Variants in RABGAP1L observed in about 807,000 individuals in gnomAD.
RABGAP1L encodes rab GTPase-activating protein 1-like.
In RABGAP1L, 63 loss-of-function variants were observed where a neutral mutation model predicts 137.7. The observed-to-expected ratio is 0.46, with a 90% CI of 0.37 to 0.56. The LOEUF (loss-of-function observed/expected upper bound fraction) is 0.56, where lower values mean the gene tolerates loss of function less well. Among genes scored for constraint, RABGAP1L ranks in the 20% least tolerant of loss-of-function variants. The pLI, the probability that RABGAP1L is intolerant of heterozygous loss-of-function variation, is 0.00. For synonymous variants in RABGAP1L, 431 were observed against 433.7 expected (o/e 0.99, Z 0.08); for missense variants, 1,095 against 1,244.0 (o/e 0.88, Z 1.80).
intron 13 of RABGAP1L, among the ~76,000 whole-genome samples, chr1:174,499,985 C>A (rs1170795468): frequency 6.6e-6 from 1 of 151,862 alleles, no homozygotes; most frequent in Non-Finnish European, 1.5e-5. Flanking sequence ...ATTTGGGGAT[C>A]ATTTAGTCCA....
intron 11 of RABGAP1L, among the ~76,000 whole-genome samples, chr1:174,320,000 C>T (rs1679793940): frequency 6.6e-6 from 1 of 152,130 alleles, no homozygotes; most frequent in Non-Finnish European, 1.5e-5. Flanking sequence ...CTTCAGCTTG[C>T]TCACTCTTCA....
intron 19 of RABGAP1L, among the ~76,000 whole-genome samples, chr1:174,941,073 T>TC (rs11417914): frequency 0.37 from 56,117 of 152,058 alleles, 13,590 homozygotes; most frequent in African/African-American, 0.69. Context: ...ATTTTGTAGC[T>TC]CCATGCCTTT....
chr1:174,361,748 T>C (rs923679267), intron 11 of RABGAP1L, among the ~76,000 whole-genome samples: 2 of 152,198 alleles, frequency 1.3e-5, no homozygotes, highest in African/African-American at 2.4e-5. Flanking sequence ...ACTTCTTCCT[T>C]TTCAGTATGA....
intron 17 of RABGAP1L, among the ~76,000 whole-genome samples, chr1:174,727,401 G>T (rs1305007404): frequency 1.3e-5 from 2 of 152,160 alleles, no homozygotes; most frequent in Non-Finnish European, 2.9e-5. Flanking sequence ...TTTATTGGTG[G>T]TTATAGGATA....
chr1:174,895,022 G>A (rs550221972), intron 19 of RABGAP1L, among the ~76,000 whole-genome samples: 1 of 152,308 alleles, frequency 6.6e-6, no homozygotes, highest in East Asian at 1.9e-4. Context: ...CTCTTAAAGT[G>A]CTGGGATTAC....
chr1:174,686,415 C>T (rs918162234), intron 15 of RABGAP1L, among the ~76,000 whole-genome samples: 2 of 152,016 alleles, frequency 1.3e-5, no homozygotes, highest in Non-Finnish European at 1.5e-5. Flanking sequence ...CCTGTGATGA[C>T]CAGTTACTTT....
chr1:174,992,702 ATATGT>A lies in RABGAP1L; in HGVS notation c.*2705_*2709del, dbSNP rs112853002. On this transcript the variant is annotated 3_prime_UTR_variant, in exon 26 of 26. Coordinates refer to ENST00000681986, the MANE Select transcript of RABGAP1L (RefSeq NM_001366446.1). ...GGTATGTGATATGATTGTTCATACA[ATATGT>A]TATAATAGCAATATTCCAAACAATA... 176 of 152,308 alleles carry A rather than the reference ATATGT, an allele frequency of 1.2e-3. No homozygotes were observed. The highest frequency in any genetic ancestry group is 3.0e-3 in the African/African-American group (125 of 41,572). The allele number at this position is 152,308 out of a possible 1,614,324, so 9.4% of individuals were successfully genotyped here.
intron 4 of RABGAP1L, among the ~76,000 whole-genome samples, chr1:174,238,271 C>T (rs914059920): frequency 2.0e-5 from 3 of 152,282 alleles, no homozygotes; most frequent in Non-Finnish European, 2.9e-5. Context: ...TCTCTCAGCT[C>T]GTCAGTCATT....
intron 15 of RABGAP1L, among the ~76,000 whole-genome samples, chr1:174,694,985 G>A (rs1485259965): frequency 6.6e-6 from 1 of 152,068 alleles, no homozygotes; most frequent in East Asian, 1.9e-4. Context: ...TTTTTTGGCT[G>A]CATAAATGTC....
chr1:174,406,394 T>C (rs1042373016), intron 13 of RABGAP1L, among the ~76,000 whole-genome samples: 4 of 152,242 alleles, frequency 2.6e-5, no homozygotes, highest in African/African-American at 9.6e-5. Flanking sequence ...TATAACTTTT[T>C]AATATTACCT....
chr1:174,465,176 C>G (rs1453998022), intron 13 of RABGAP1L, among the ~76,000 whole-genome samples: 1 of 152,082 alleles, frequency 6.6e-6, no homozygotes, highest in Non-Finnish European at 1.5e-5. Flanking sequence ...TAACACATTG[C>G]TAATTCATTC....
At chr1:174,286,934 C>T (rs1676109932) in intron 10 of RABGAP1L, among the ~76,000 whole-genome samples, 1 of 151,854 alleles carries the variant, frequency 6.6e-6, no homozygotes, top group African/African-American at 2.4e-5. Flanking sequence ...GAATTTAAGA[C>T]TTTTTTTGTG....
intron 7 of RABGAP1L, among the ~76,000 whole-genome samples, chr1:174,270,015 A>G (rs1430594640): frequency 6.6e-6 from 1 of 152,210 alleles, no homozygotes; most frequent in Non-Finnish European, 1.5e-5. Flanking sequence ...CTCCATAGGA[A>G]TCCTGGTGTG....
rs56841270 is a variant in RABGAP1L, at chr1:174,868,992, G to A, written c.2340+57032G>A. ...TCATCTCTCCTGGACAAGGAAATACGAAAAAAAAAAATGGAGGCATTGGTT... is the reference window on the plus strand; with the variant it reads ...TCATCTCTCCTGGACAAGGAAATACAAAAAAAAAAAATGGAGGCATTGGTT... On this transcript the variant is annotated intron_variant, in intron 19 of 25. Transcript: ENST00000681986. 5.1e-4 allele frequency among the ~76,000 whole-genome samples: 74 copies of A among 145,588 alleles called. 1 individual carries two copies. The highest frequency in any genetic ancestry group is 4.2e-3 in the East Asian group (21 of 5,050).
chr1:174,637,742 A>C (rs148762208), intron 14 of RABGAP1L, among the ~76,000 whole-genome samples: 58 of 152,286 alleles, frequency 3.8e-4, no homozygotes, highest in Admixed American at 1.3e-3. Flanking sequence ...AAAGGAACAA[A>C]AGGTCCTCTG....
chr1:174,329,288 A>T (rs1039128867), intron 11 of RABGAP1L, among the ~76,000 whole-genome samples: 12 of 152,186 alleles, frequency 7.9e-5, no homozygotes, highest in African/African-American at 2.9e-4. Context: ...TTGAGTCAAG[A>T]AGAAATAGAA....
chr1:174,655,599 C>T (rs181053061), intron 14 of RABGAP1L, among the ~76,000 whole-genome samples: 15 of 152,312 alleles, frequency 9.8e-5, no homozygotes, highest in African/African-American at 3.6e-4. Flanking sequence ...GATGAAATTA[C>T]TCTTTTCCCC....
At chr1:174,381,302 G>T (rs985826711) in intron 12 of RABGAP1L, among the ~76,000 whole-genome samples, 3 of 146,602 alleles carry the variant, frequency 2.0e-5, no homozygotes, top group African/African-American at 7.7e-5. Context: ...ATGTCTATTA[G>T]GTCCACTTGG....
At chr1:174,764,417 C>T (rs371372175) in intron 18 of RABGAP1L, among the ~76,000 whole-genome samples, 4 of 152,112 alleles carry the variant, frequency 2.6e-5, no homozygotes, top group African/African-American at 9.7e-5. Context: ...CATTACATCC[C>T]CCGTGGCAAC....
Sources: allele counts gnomAD v4.1 joint callset (sites outside exome capture counted in the v4.1 genomes callset), GRCh38; gene constraint gnomAD v4.1.1; transcripts MANE v1.5; gene names NCBI Gene and HGNC (gene_info 2026-07-23, HGNC 2026-07-21).